HEPACAM2: variants seen among roughly 807,000 people sequenced by gnomAD.
HEPACAM2 encodes the protein HEPACAM family member 2.
Under a neutral mutation model 49.6 loss-of-function variants are expected in HEPACAM2, and 49 were observed. The observed-to-expected ratio is 0.99, with a 90% CI of 0.78 to 1.25. HEPACAM2 has a LOEUF of 1.25. Among genes scored for constraint, HEPACAM2 ranks in the 50% most tolerant of loss-of-function variants. The probability of loss-of-function intolerance (pLI) is 0.00; values close to 1 mark genes in which losing one functional copy is unlikely to be tolerated. For missense variants in HEPACAM2, 525 were observed against 557.2 expected (o/e 0.94, Z 0.58); for synonymous variants, 197 against 202.9 (o/e 0.97, Z 0.25).
At chr7:93,231,680 A>C in the HEPACAM2 span, among the ~76,000 whole-genome samples, 3 of 152,166 alleles carry the variant, frequency 2.0e-5, no homozygotes, top group South Asian at 6.2e-4. Flanking sequence ...TAAACTGCCA[A>C]AAGTTGAAAA....
At chr7:93,191,082 C>T (rs28631146) in intron 9 of HEPACAM2, among the ~76,000 whole-genome samples, 2,877 of 152,106 alleles carry the variant, frequency 0.019, 92 homozygotes, top group African/African-American at 0.065. Flanking sequence ...AGCAAACAAA[C>T]TTCCCCTAGT....
At chr7:93,191,276 TA>T (rs1180244951) in intron 9 of HEPACAM2, among the ~76,000 whole-genome samples, 7 of 152,162 alleles carry the variant, frequency 4.6e-5, no homozygotes, top group Middle Eastern at 3.4e-3. Flanking sequence ...TGACTCTAGG[TA>T]AATTTTCTCT....
intron 4 of HEPACAM2, among the ~76,000 whole-genome samples, chr7:93,198,586 CA>C (rs1200243312): frequency 6.6e-6 from 1 of 152,130 alleles, no homozygotes; most frequent in Non-Finnish European, 1.5e-5. Context: ...TAACCTCCAA[CA>C]AATGAAAGTA....
At chr7:93,213,701 G>T (rs894963598) in intron 3 of HEPACAM2, among the ~76,000 whole-genome samples, 1 of 152,056 alleles carries the variant, frequency 6.6e-6, no homozygotes, top group African/African-American at 2.4e-5. Flanking sequence ...TGGGTTTGGG[G>T]TGTTCACAAG....
At chr7:93,219,483 C>T (rs1043868133) in intron 1 of HEPACAM2, 32 bp from the exon 2 acceptor site, 2 of 1,612,306 alleles carry the variant, frequency 1.2e-6, no homozygotes, top group African/African-American at 1.3e-5. Context: ...TTGTGAAGAC[C>T]TTGAGCCACA....
At chr7:93,225,921 A>C (rs1405282517) in intron 1 of HEPACAM2, 1 of 1,439,536 alleles carries the variant, frequency 6.9e-7, no homozygotes, top group South Asian at 1.3e-5. Context: ...AGATAACTTA[A>C]AACGAAGCAG....
Position 93,192,267 on chromosome 7 carries a change from G to T in HEPACAM2, c.1372C>A (p.Gln458Lys), listed in dbSNP as rs2116623511. Residue 458 changes from glutamine (Q) to lysine (K), a missense_variant, in exon 9 of 10, where the codon CAA (glutamine) becomes AAA (lysine). Transcript: ENST00000394468. Reference protein sequence around the residue: ...EVIQHIPAQQQDHPE With the variant: ...EVIQHIPAQQKDHPE ...ATTCGTACTTACTCTGGATGGTCTT[G>T]CTGCTGGGCAGGGATGTGCTGAATA... 6.2e-7 allele frequency: 1 copy of T among 1,611,390 alleles called. No homozygotes were observed. Among genetic ancestry groups the T allele is most frequent in the Non-Finnish European group, 8.5e-7 (1 of 1,177,990 alleles).
At chr7:93,203,165 G>A (rs866375735) in intron 4 of HEPACAM2, among the ~76,000 whole-genome samples, 9 of 152,208 alleles carry the variant, frequency 5.9e-5, no homozygotes, top group Middle Eastern at 3.4e-3. Context: ...GGAGAATGAG[G>A]AATAGGGACA....
chr7:93,207,050 T>A (rs1412177076), intron 4 of HEPACAM2, among the ~76,000 whole-genome samples: 3 of 152,102 alleles, frequency 2.0e-5, no homozygotes, highest in Non-Finnish European at 4.4e-5. Context: ...GGTGTCTTAA[T>A]GAAGCTACAT....
intron 4 of HEPACAM2, among the ~76,000 whole-genome samples, chr7:93,203,908 C>T (rs973990237): frequency 1.3e-5 from 2 of 152,082 alleles, no homozygotes; most frequent in African/African-American, 4.8e-5. Context: ...ATCATAGGCC[C>T]ACTGACAGAC....
chr7:93,214,706 G>A (rs149011245), intron 3 of HEPACAM2, among the ~76,000 whole-genome samples: 4 of 152,250 alleles, frequency 2.6e-5, no homozygotes, highest in African/African-American at 9.6e-5. Context: ...TTTCCACACT[G>A]TGTATCACAG....
chr7:93,228,864 G>GGTGTGT (rs61092223), upstream of HEPACAM2, among the ~76,000 whole-genome samples: 158 of 149,720 alleles, frequency 1.1e-3, no homozygotes, highest in Middle Eastern at 3.4e-3. Flanking sequence ...TGTGCAGGAG[G>GGTGTGT]GTGTGTGTGT....
At chr7:93,227,855 G>C (rs768175653), upstream of HEPACAM2, among the ~76,000 whole-genome samples, 156 of 152,246 alleles carry the variant, frequency 1.0e-3, 1 homozygote, top group Non-Finnish European at 1.7e-3. Flanking sequence ...TTCATTCATG[G>C]ATGTTGGGCA....
At chr7:93,211,065 T>A (rs1271519253) in intron 3 of HEPACAM2, among the ~76,000 whole-genome samples, 1 of 152,014 alleles carries the variant, frequency 6.6e-6, no homozygotes, top group Non-Finnish European at 1.5e-5. Context: ...TGGTTCTCTA[T>A]CATGTCAGCA....
At chr7:93,218,005 G>C (rs1343908067) in intron 2 of HEPACAM2, among the ~76,000 whole-genome samples, 2 of 151,822 alleles carry the variant, frequency 1.3e-5, no homozygotes, top group African/African-American at 4.8e-5. Flanking sequence ...AGGAAACGAG[G>C]GGAGCATGCT....
intron 1 of HEPACAM2, among the ~76,000 whole-genome samples, chr7:93,223,834 A>G (rs1188556796): frequency 2.0e-5 from 3 of 152,194 alleles, no homozygotes; most frequent in Admixed American, 2.0e-4. Flanking sequence ...TTCATTGGAC[A>G]TGAACCTATC....
intron 1 of HEPACAM2, among the ~76,000 whole-genome samples, chr7:93,220,951 G>A (rs1448654797): frequency 6.6e-6 from 1 of 152,164 alleles, no homozygotes; most frequent in African/African-American, 2.4e-5. Context: ...TGACGTAATA[G>A]AGGAGAGAGT....
intron 4 of HEPACAM2, among the ~76,000 whole-genome samples, chr7:93,199,204 C>T (rs1311240380): frequency 2.6e-5 from 4 of 152,038 alleles, no homozygotes; most frequent in Non-Finnish European, 5.9e-5. Context: ...TATCTGTGTC[C>T]TGCTTATTGC....
At chr7:93,204,939 A>T (rs1448605068) in intron 4 of HEPACAM2, among the ~76,000 whole-genome samples, 1 of 152,038 alleles carries the variant, frequency 6.6e-6, no homozygotes, top group Non-Finnish European at 1.5e-5. Flanking sequence ...ATCTCTACTA[A>T]AAATACAAAA....
Sources: gnomAD v4.1 joint callset for allele counts (sites outside exome capture counted in the v4.1 genomes callset) on GRCh38, gnomAD v4.1.1 for gene constraint, MANE v1.5 for transcripts, NCBI Gene and HGNC (gene_info 2026-07-23, HGNC 2026-07-21) for gene names.